AGO2: variants seen among roughly 807,000 people sequenced by gnomAD.
AGO2 encodes the protein protein argonaute-2.
A neutral mutation model predicts 102.3 loss-of-function variants in AGO2; 5 were observed. That is an observed-to-expected ratio of 0.05 (90% CI 0.03 to 0.10). The LOEUF is 0.10. Ranked by LOEUF, AGO2 falls within the 10% of genes least tolerant of loss-of-function variation. The pLI is 1.00. For missense variants in AGO2, 541 were observed against 1,183.7 expected (o/e 0.46, Z 7.97); for synonymous variants, 449 against 473.1 (o/e 0.95, Z 0.66).
In AGO2 at chr8:140,529,808, A is replaced by G. The variant is rs1404940686; in HGVS notation, c.*2236T>C. The stretch of plus-strand genomic sequence containing the variant: ...CAGCAGGCCCACAAATCTGCATGTT[A>G]AACAAGAACCGCCATCCCCCAGACA... On this transcript the variant is annotated 3_prime_UTR_variant, in exon 19 of 19. Transcript: ENST00000220592. The G allele has an allele frequency of 1.3e-5, 2 of 152,240 alleles. No homozygotes were observed. 9.4% of individuals were successfully genotyped at this position (152,240 alleles called of 1,614,324 possible).
chr8:140,583,925 C>T (rs142188892), intron 2 of AGO2, among the ~76,000 whole-genome samples: 43 of 152,086 alleles, frequency 2.8e-4, no homozygotes, highest in African/African-American at 8.4e-4. Context: ...TGCTCTACTA[C>T]GTTACGTGGG....
In AGO2 at chr8:140,532,107, G is replaced by C; in HGVS notation, c.2517C>G (p.His839Gln). ...HTSGQSNGRD[H>Q]QALAKAVQVH... Reference sequence around the variant, plus strand: ...CCTGGACCGCCTTGGCCAGTGCTTGGTGGTCTCGCCCGTTACTCTGCCCAG... The same window carrying C: ...CCTGGACCGCCTTGGCCAGTGCTTGCTGGTCTCGCCCGTTACTCTGCCCAG... The change falls in exon 19 of 19, where the codon CAC (histidine) becomes CAG (glutamine). Residue 839 changes from histidine (H) to glutamine (Q), a missense_variant. His to Gln is a conservative substitution (Grantham distance 24, BLOSUM62 0). Around this residue, in one of 6 missense-constraint regions of AGO2, gnomAD observed 309 missense variants for 735.1 expected, o/e 0.42. Coordinates refer to ENST00000220592, the MANE Select transcript of AGO2 (RefSeq NM_012154.5). 6.2e-7 allele frequency: 1 copy of C among 1,614,190 alleles called. No homozygotes were observed. The highest frequency in any genetic ancestry group is 8.5e-7 in the Non-Finnish European group (1 of 1,180,032).
chr8:140,611,947 G>C (rs577389251), intron 1 of AGO2, among the ~76,000 whole-genome samples: 1 of 152,076 alleles, frequency 6.6e-6, no homozygotes, highest in Non-Finnish European at 1.5e-5. Flanking sequence ...GAGTTCGACC[G>C]GGCGCGGTGG....
chr8:140,598,768 C>A (rs973474046), intron 1 of AGO2, among the ~76,000 whole-genome samples: 4 of 152,204 alleles, frequency 2.6e-5, no homozygotes, highest in Non-Finnish European at 5.9e-5. Flanking sequence ...CCCAACAGGG[C>A]AGAATTACCT....
At chr8:140,606,214 G>C (rs1218690399) in intron 1 of AGO2, among the ~76,000 whole-genome samples, 1 of 152,176 alleles carries the variant, frequency 6.6e-6, no homozygotes, top group Non-Finnish European at 1.5e-5. Context: ...AAACCAAGTA[G>C]GTTCTGATGC....
rs2072529428 is a variant in AGO2 at position 140,527,736 on chromosome 8, A to G, written c.*4308T>C. ...CTATTTATTGTACATTCCTTTTCTC[A>G]TGAGCGTGAGAGATGGGTCAGAGAG... On this transcript the variant is annotated 3_prime_UTR_variant, in exon 19 of 19. Coordinates refer to ENST00000220592, the MANE Select transcript of AGO2 (RefSeq NM_012154.5). This position sits in a 1 kb window ranked among gnomAD's most constrained non-coding sequence, Gnocchi z 6.0. 6.6e-6 allele frequency: 1 copy of G among 152,220 alleles called. No individual in the cohort carries two copies. The highest frequency in any genetic ancestry group is 2.4e-5 in the African/African-American group (1 of 41,458). The allele number at this position is 152,220 out of a possible 1,614,324, so 9.4% of individuals were successfully genotyped here. A position where few individuals can be genotyped will look rare whatever the true frequency, so the allele number is the denominator to read the frequency against.
chr8:140,585,280 G>A lies in AGO2; in HGVS notation c.54C>T (p.Ile18=), dbSNP rs1206216795. 3.7e-6 allele frequency: 6 copies of A among 1,613,970 alleles called. No individual in the cohort carries two copies. Among genetic ancestry groups the A allele is most frequent in the Non-Finnish European group, 3.4e-6 (4 of 1,179,988 alleles). ...GTGGAGGCTTGAAGGCATATCCTTG[G>A]ATGGGGGGCGGCGGCGCAGGAGGTG... ...ALAPPAPPPP[I]QGYAFKPPPR... Residue 18 remains isoleucine, a synonymous_variant, in exon 2 of 19, where the codon ATC becomes ATT. Transcript: ENST00000220592.
intron 1 of AGO2, among the ~76,000 whole-genome samples, chr8:140,624,499 G>C (rs983300609): frequency 5.3e-5 from 8 of 152,220 alleles, no homozygotes; most frequent in Non-Finnish European, 1.2e-4. Flanking sequence ...AAAGACACTC[G>C]GAACAGAGGG....
chr8:140,544,247 G>A lies in AGO2; in HGVS notation c.1805C>T (p.Pro602Leu), dbSNP rs2072852147. The A allele has an allele frequency of 6.3e-7, 1 of 1,596,910 alleles. No homozygotes were observed. Among genetic ancestry groups the A allele is most frequent in the Non-Finnish European group, 8.5e-7 (1 of 1,173,428 alleles). ...GGAGGGCTTCTTCCCATCCCCGGCG[G>A]GGGGGTGAGTGACGTCTGCTCCCAG... ...IFLGADVTHP[P>L]AGDGKKPSIA... is the part of the protein sequence containing the mutation. Residue 602 changes from proline (P) to leucine (L), a missense_variant, in exon 14 of 19, where the codon CCC becomes CTC. Transcript: ENST00000220592.
intron 1 of AGO2, among the ~76,000 whole-genome samples, chr8:140,599,059 A>G (rs947044628): frequency 5.3e-5 from 8 of 152,210 alleles, no homozygotes; most frequent in African/African-American, 1.9e-4. Flanking sequence ...GCAGACCTGG[A>G]GCCCAGTGAC....
chr8:140,578,718 C>T (rs1008122484), intron 2 of AGO2, among the ~76,000 whole-genome samples: 5 of 152,240 alleles, frequency 3.3e-5, no homozygotes, highest in Admixed American at 1.3e-4. Context: ...AGGAGAACCA[C>T]GGCCAAGCTG....
At chr8:140,552,729 C>T (rs977104657) in intron 10 of AGO2, among the ~76,000 whole-genome samples, 3 of 74,466 alleles carry the variant, frequency 4.0e-5, no homozygotes, top group East Asian at 4.6e-4. Context: ...CGCACATGCA[C>T]GCGCGCGCGC....
At chr8:140,569,599 G>A (rs1245477441) in intron 3 of AGO2, among the ~76,000 whole-genome samples, 5 of 152,224 alleles carry the variant, frequency 3.3e-5, no homozygotes, top group Non-Finnish European at 7.3e-5. Context: ...ACAAGGGCAG[G>A]CATGGAGCTG....
chr8:140,541,441 G>C (rs2072796518), intron 14 of AGO2, 83 bp from the exon 15 acceptor site: 2 of 1,319,112 alleles, frequency 1.5e-6, no homozygotes, highest in East Asian at 5.0e-5. Flanking sequence ...CGGGAAGATG[G>C]GGACGAGAAG....
At chr8:140,566,021 G>A (rs1379936346) in intron 3 of AGO2, among the ~76,000 whole-genome samples, 2 of 150,466 alleles carry the variant, frequency 1.3e-5, no homozygotes, top group African/African-American at 4.9e-5. Context: ...CTGGGTAACA[G>A]AGAAATTGTT....
intron 5 of AGO2, 48 bp from the exon 6 acceptor site, chr8:140,559,577 C>T (rs377328311): frequency 4.0e-5 from 64 of 1,608,306 alleles, no homozygotes; most frequent in Non-Finnish European, 5.4e-5. Flanking sequence ...TGTGGGGCTG[C>T]TGGACGGGCC....
chr8:140,574,857 C>T (rs879408199), intron 2 of AGO2, among the ~76,000 whole-genome samples: 13 of 152,160 alleles, frequency 8.5e-5, no homozygotes, highest in Admixed American at 7.2e-4. Context: ...CTAGAATGGT[C>T]TTTCTCTTGG....
intron 1 of AGO2, among the ~76,000 whole-genome samples, chr8:140,590,145 G>A (rs1271371189): frequency 2.0e-5 from 3 of 152,190 alleles, no homozygotes; most frequent in Non-Finnish European, 4.4e-5. Context: ...CCCAGCCCAC[G>A]TTCACAGAGA....
intron 10 of AGO2, among the ~76,000 whole-genome samples, chr8:140,552,739 C>T (rs750888075): frequency 2.3e-4 from 17 of 73,116 alleles, no homozygotes; most frequent in African/African-American, 1.2e-3. Flanking sequence ...CGCGCGCGCG[C>T]GCACACACAC....
Sources: allele counts gnomAD v4.1 joint callset (sites outside exome capture counted in the v4.1 genomes callset), GRCh38; gene constraint gnomAD v4.1.1; regional missense constraint gnomAD v4.1.1; non-coding constraint Gnocchi (gnomAD v3.1); transcripts MANE v1.5; gene names NCBI Gene and HGNC (gene_info 2026-07-23, HGNC 2026-07-21).